Variants in ABI3BP observed in about 807,000 individuals in gnomAD.
The protein encoded by ABI3BP is target of Nesh-SH3.
In ABI3BP, 216 loss-of-function variants were observed where a neutral mutation model predicts 268.6. The observed-to-expected ratio is 0.80, with a 90% confidence interval of 0.72 to 0.90. ABI3BP has a LOEUF of 0.90. Ranked by LOEUF, ABI3BP falls within the 40% of genes least tolerant of loss-of-function variation. ABI3BP has a pLI of 0.00. For missense variants in ABI3BP, 2,090 were observed against 2,182.4 expected (o/e 0.96, Z 0.84); for synonymous variants, 730 against 730.0 (o/e 1.00, Z 0.00).
chr3:100,933,159 A>G (rs144572959), intron 1 of ABI3BP, among the ~76,000 whole-genome samples: 126 of 152,154 alleles, frequency 8.3e-4, no homozygotes, highest in Middle Eastern at 3.4e-3. Context: ...AATACTTATT[A>G]GTGTAGCAAC....
chr3:100,902,385 A>T (rs2050848007), intron 3 of ABI3BP, among the ~76,000 whole-genome samples: 1 of 152,146 alleles, frequency 6.6e-6, no homozygotes, highest in Admixed American at 6.5e-5. Flanking sequence ...AGGTTCAATA[A>T]CTTATGTAAT....
Position 100,754,632 on chromosome 3 carries a change from A to C in ABI3BP, c.4910T>G (p.Val1637Gly). 1 of 1,589,472 alleles carries C rather than the reference A, an allele frequency of 6.3e-7. No homozygotes were observed. Among genetic ancestry groups the C allele is most frequent in the Non-Finnish European group, 8.6e-7 (1 of 1,166,738 alleles). The part of the protein sequence containing the change: ...PLGEGPVSNT[V>G]AFSTESADPR... The stretch of plus-strand genomic sequence containing the variant: ...ATTACCTGATTCAGTACTGAATGCC[A>C]CTGTGTTGCTGACCGGGCCTTCACC... Residue 1637 changes from valine to glycine, a missense_variant, in exon 64 of 68, where the codon GTG becomes GGG. Physicochemically the swap from Val to Gly is moderately radical, Grantham distance 109. Coordinates refer to ENST00000471714, the MANE Select transcript of ABI3BP (RefSeq NM_001375547.2).
intron 12 of ABI3BP, chr3:100,863,316 C>T (rs1044132967): frequency 9.4e-5 from 15 of 159,352 alleles, no homozygotes; most frequent in Non-Finnish European, 1.8e-4. Context: ...GCTCCTCCCC[C>T]AACCTCTTTT....
At chr3:100,894,277 T>G (rs564119620) in intron 4 of ABI3BP, among the ~76,000 whole-genome samples, 4 of 151,898 alleles carry the variant, frequency 2.6e-5, no homozygotes, top group African/African-American at 9.7e-5. Flanking sequence ...CAGAGACAAG[T>G]GAGGTGATAT....
chr3:100,983,886 T>C (rs909708461), intron 1 of ABI3BP, among the ~76,000 whole-genome samples: 3 of 152,192 alleles, frequency 2.0e-5, no homozygotes, highest in Admixed American at 6.5e-5. Flanking sequence ...ACTTATTTTA[T>C]ATAGCTTCAG....
At chr3:100,915,492 C>T (rs540472145) in intron 2 of ABI3BP, among the ~76,000 whole-genome samples, 8 of 152,156 alleles carry the variant, frequency 5.3e-5, no homozygotes, top group African/African-American at 1.9e-4. Flanking sequence ...CAGCTGAAGT[C>T]GCTGAATAGG....
chr3:100,772,566 A>T (rs1380649921), intron 61 of ABI3BP, among the ~76,000 whole-genome samples: 4 of 152,172 alleles, frequency 2.6e-5, no homozygotes, highest in Non-Finnish European at 5.9e-5. Flanking sequence ...CATACTATAA[A>T]CCCCAAAGCA....
At chr3:100,750,754 T>C (rs771076681) in intron 67 of ABI3BP, 144 bp from the exon 68 acceptor site, 7 of 612,594 alleles carry the variant, frequency 1.1e-5, no homozygotes, top group Non-Finnish European at 1.9e-5. Context: ...CAAGAAGTTC[T>C]GGTGTTTTTT....
At chr3:100,952,693 A>G (rs1172744632) in intron 1 of ABI3BP, 1 of 152,206 alleles carries the variant, frequency 6.6e-6, no homozygotes, top group Non-Finnish European at 1.5e-5. Flanking sequence ...TGGCTCTTGC[A>G]CAAGAATGAC....
intron 67 of ABI3BP, among the ~76,000 whole-genome samples, chr3:100,751,271 A>G (rs2095309585): frequency 6.6e-6 from 1 of 152,198 alleles, no homozygotes; most frequent in Non-Finnish European, 1.5e-5. Context: ...AACCCATAAC[A>G]TTAATAAATG....
chr3:100,923,754 T>C (rs1322433352), intron 2 of ABI3BP, among the ~76,000 whole-genome samples: 1 of 152,160 alleles, frequency 6.6e-6, no homozygotes, highest in Non-Finnish European at 1.5e-5. Context: ...TATCATTGGC[T>C]AAAATAGGGA....
intron 47 of ABI3BP, 100 bp downstream of exon 47, chr3:100,811,628 A>G: frequency 8.2e-7 from 1 of 1,215,226 alleles, no homozygotes; most frequent in South Asian, 1.4e-5. Context: ...TTAATTGTGA[A>G]TCAAGTACCA....
At chr3:100,762,780 A>G (rs2096047103) in intron 63 of ABI3BP, among the ~76,000 whole-genome samples, 2 of 152,220 alleles carry the variant, frequency 1.3e-5, no homozygotes, top group East Asian at 1.9e-4. Context: ...GCTAGGATCT[A>G]TTGAACTCCT....
intron 14 of ABI3BP, among the ~76,000 whole-genome samples, chr3:100,854,234 G>A (rs1180930924): frequency 1.3e-5 from 2 of 151,156 alleles, no homozygotes; most frequent in Admixed American, 6.6e-5. Flanking sequence ...CTGGGATGGC[G>A]GGCACCTGTG....
chr3:100,836,163 CTTA>C (rs939567610), intron 27 of ABI3BP, among the ~76,000 whole-genome samples: 38 of 152,166 alleles, frequency 2.5e-4, no homozygotes, highest in African/African-American at 9.2e-4. Flanking sequence ...ACTCTGCCTC[CTTA>C]TTCATTTATT....
chr3:100,933,295 A>T (rs1245455719), intron 1 of ABI3BP, among the ~76,000 whole-genome samples: 4 of 151,946 alleles, frequency 2.6e-5, no homozygotes, highest in Non-Finnish European at 5.9e-5. Context: ...TAAGTAAAAG[A>T]ATAGCTATAA....
chr3:100,878,602 A>C (rs1003506995), intron 6 of ABI3BP, among the ~76,000 whole-genome samples: 1 of 152,234 alleles, frequency 6.6e-6, no homozygotes, highest in Non-Finnish European at 1.5e-5. Context: ...GGGATAAAAA[A>C]TACCAAACTC....
intron 16 of ABI3BP, 100 bp from the exon 17 acceptor site, chr3:100,850,219 G>T (rs1400277818): frequency 2.0e-6 from 2 of 995,118 alleles, no homozygotes; most frequent in African/African-American, 1.6e-5. Context: ...CACATGCCAC[G>T]AGTACATGAT....
chr3:100,974,686 T>C (rs1218974161), intron 1 of ABI3BP, among the ~76,000 whole-genome samples: 1 of 152,150 alleles, frequency 6.6e-6, no homozygotes, highest in Admixed American at 6.6e-5. Context: ...AAAAATTTAC[T>C]GGATTGAACA....
Sources: gnomAD v4.1 joint callset for allele counts (sites outside exome capture counted in the v4.1 genomes callset) on GRCh38, gnomAD v4.1.1 for gene constraint, MANE v1.5 for transcripts, NCBI Gene and HGNC (gene_info 2026-07-23, HGNC 2026-07-21) for gene names.